The following LATS2 variants were observed in gnomAD, a reference collection of about 807,000 sequenced individuals.
The protein encoded by LATS2 is large tumor suppressor kinase 2.
A neutral mutation model predicts 76.0 loss-of-function variants in LATS2; 24 were observed. The ratio of observed to expected loss-of-function variants is 0.32; its 90% CI spans 0.23 to 0.44. The LOEUF (loss-of-function observed/expected upper bound fraction) is 0.44. Among genes scored for constraint, LATS2 ranks in the 20% least tolerant of loss-of-function variants. The probability of loss-of-function intolerance (pLI) is 1.00; values close to 1 mark genes in which losing one functional copy is unlikely to be tolerated. For synonymous variants in LATS2, 692 were observed against 635.4 expected (o/e 1.09, Z -1.34); for missense variants, 1,286 against 1,481.2 (o/e 0.87, Z 2.16).
intron 1 of LATS2, among the ~76,000 whole-genome samples, chr13:21,051,210 T>C (rs555790541): frequency 9.2e-5 from 14 of 152,332 alleles, no homozygotes; most frequent in African/African-American, 3.4e-4. Context: ...CTCTTATATG[T>C]AGGGCCCTTG....
intron 2 of LATS2, among the ~76,000 whole-genome samples, chr13:21,001,836 G>A (rs1001950392): frequency 9.2e-5 from 14 of 151,732 alleles, no homozygotes; most frequent in South Asian, 2.1e-4. Context: ...CCGAGACAGC[G>A]CCCCTGCACT....
chr13:20,978,952 G>A (rs1461529147), intron 7 of LATS2, among the ~76,000 whole-genome samples: 2 of 152,022 alleles, frequency 1.3e-5, no homozygotes, highest in African/African-American at 2.4e-5. Context: ...CAGTAGAGAC[G>A]GGTTTCGCCA....
chr13:20,998,248 G>C (rs1388494379), intron 2 of LATS2, among the ~76,000 whole-genome samples: 1 of 152,136 alleles, frequency 6.6e-6, no homozygotes, highest in Non-Finnish European at 1.5e-5. Context: ...CAGCTTCATG[G>C]GAGGCTGAGG....
rs1338579196 is a variant in LATS2 at position 21,045,856 on chromosome 13, G to A, written c.171C>T (p.Ala57=). The A allele has an allele frequency of 6.2e-7, 1 of 1,614,064 alleles. No homozygotes were observed. The highest frequency in any genetic ancestry group is 1.7e-5 in the Admixed American group (1 of 59,992). The change falls in exon 2 of 8, where the codon GCC becomes GCT. Residue 57 remains alanine, a synonymous_variant. Coordinates refer to ENST00000382592, the MANE Select transcript of LATS2 (RefSeq NM_014572.3). ...CTCTCATCTGCTGCTGCTGCCTGGT[G>A]GCATCTTTGCTCCCCAGGACTTTGG... ...LDAKVLGSKD[A]TRQQQQMRAT...
intron 2 of LATS2, among the ~76,000 whole-genome samples, chr13:21,021,290 T>C (rs951326352): frequency 6.6e-6 from 1 of 151,856 alleles, no homozygotes; most frequent in African/African-American, 2.4e-5. Flanking sequence ...CTGGCTAACA[T>C]GGTGAAACCC....
At chr13:20,989,382 C>T (rs1349153095) in intron 3 of LATS2, 78 bp from the exon 4 acceptor site, 1 of 1,480,958 alleles carries the variant, frequency 6.8e-7, no homozygotes, top group Non-Finnish European at 9.3e-7. Flanking sequence ...CTGGTCCCCA[C>T]TCTAGCGCTG....
intron 6 of LATS2, among the ~76,000 whole-genome samples, chr13:20,980,984 C>T (rs1237143561): frequency 6.6e-6 from 1 of 152,182 alleles, no homozygotes; most frequent in Non-Finnish European, 1.5e-5. Context: ...ACAACTGGCA[C>T]CTGCCACTTT....
At chr13:21,041,102 A>C (rs1872865432) in intron 2 of LATS2, among the ~76,000 whole-genome samples, 1 of 151,952 alleles carries the variant, frequency 6.6e-6, no homozygotes, top group South Asian at 2.1e-4. Context: ...CCTCCAGAGT[A>C]GCTGGGACTA....
At chr13:21,005,125 A>G (rs2138325793) in intron 2 of LATS2, 1 of 152,362 alleles carries the variant, frequency 6.6e-6, no homozygotes, top group Middle Eastern at 3.4e-3. Flanking sequence ...GACTAGGTAG[A>G]GGCCCATGTT....
At position 20,991,529 on chromosome 13, in the gene LATS2, G is replaced by A. The variant is rs552943884; in HGVS notation, c.343-125C>T. On this transcript the variant is annotated intron_variant, in intron 2 of 7. Transcript: ENST00000382592. This position sits in a 1 kb window ranked among gnomAD's most constrained non-coding sequence, Gnocchi z 4.9. The stretch of plus-strand genomic sequence containing the variant: ...CGCCTCTGTACTGCTGAGAACCTGC[G>A]ATATGCTGCAGGAGACCCTCAGAAT... 2.8e-5 allele frequency: 30 copies of A among 1,070,262 alleles called. No homozygotes were observed. The highest frequency in any genetic ancestry group is 1.4e-4 in the South Asian group (9 of 65,182). The allele number at this position is 1,070,262 out of a possible 1,614,324, so 66.3% of individuals were successfully genotyped here. A position where few individuals can be genotyped will look rare whatever the true frequency, so the allele number is the denominator to read the frequency against.
At chr13:21,016,184 A>G (rs1871791429) in intron 2 of LATS2, among the ~76,000 whole-genome samples, 1 of 151,622 alleles carries the variant, frequency 6.6e-6, no homozygotes, top group Non-Finnish European at 1.5e-5. Context: ...ACGGGGTTTC[A>G]CCATGTTGGC....
At chr13:20,994,422 A>G (rs761207565) in intron 2 of LATS2, among the ~76,000 whole-genome samples, 6 of 152,196 alleles carry the variant, frequency 3.9e-5, no homozygotes, top group Non-Finnish European at 5.9e-5. Context: ...CCACTTCTAA[A>G]TCCATCAGAA....
intron 2 of LATS2, among the ~76,000 whole-genome samples, chr13:21,030,494 CAGG>C (rs1371435718): frequency 2.0e-5 from 3 of 147,678 alleles, no homozygotes; most frequent in African/African-American, 7.6e-5. Flanking sequence ...CAGGCTGAGG[CAGG>C]AGAATGGCGT....
Position 21,007,757 on chromosome 13 carries a change from TATA to T in LATS2, c.343-16356_343-16354del, listed in dbSNP as rs1422519559. Among the ~76,000 whole-genome samples, 3 of 6,738 alleles carry T rather than the reference TATA, an allele frequency of 4.5e-4. 1 individual carries two copies. Among genetic ancestry groups the T allele is most frequent in the African/African-American group, 1.4e-3 (3 of 2,082 alleles). The allele number at this position is 6,738 out of a possible 152,430, so 4.4% of individuals were successfully genotyped here. ...TATAGTATATATATATATATATATA[TATA>T]TTTTTTTTTTTTTTTTGAGATGGAG... On this transcript the variant is annotated intron_variant, in intron 2 of 7. Coordinates refer to ENST00000382592, the MANE Select transcript of LATS2 (RefSeq NM_014572.3).
At position 20,973,652 on chromosome 13, in the gene LATS2, C is replaced by T. The variant is rs1475457412; in HGVS notation, c.*1218G>A. 4.3e-6 allele frequency: 1 copy of T among 230,704 alleles called. No individual in the cohort carries two copies. Among genetic ancestry groups the T allele is most frequent in the Admixed American group, 5.7e-5 (1 of 17,658 alleles). The allele number at this position is 230,704 out of a possible 1,614,324, so 14.3% of individuals were successfully genotyped here. On this transcript the variant is annotated 3_prime_UTR_variant, in exon 8 of 8. Transcript: ENST00000382592. ...AGGTTAGGAATATGTATTGTTTAAA[C>T]CAAGTTAAGATTTGATACTTCAAAG...
At chr13:21,015,802 C>T (rs138589247) in intron 2 of LATS2, among the ~76,000 whole-genome samples, 2 of 152,200 alleles carry the variant, frequency 1.3e-5, no homozygotes, top group South Asian at 2.1e-4. Flanking sequence ...CAGGTTCAAG[C>T]GATTCTCTCG....
At chr13:21,026,089 C>A (rs1310880527) in intron 2 of LATS2, among the ~76,000 whole-genome samples, 1 of 152,192 alleles carries the variant, frequency 6.6e-6, no homozygotes, top group Non-Finnish European at 1.5e-5. Flanking sequence ...CTGGAATACC[C>A]ATCGGATGCC....
chr13:21,041,821 A>C (rs1565963495), intron 2 of LATS2, among the ~76,000 whole-genome samples: 1 of 152,072 alleles, frequency 6.6e-6, no homozygotes. Context: ...TTGGAACCTC[A>C]CCCTCACAGG....
At chr13:20,993,446 G>C (rs1199502336) in intron 2 of LATS2, among the ~76,000 whole-genome samples, 1 of 152,172 alleles carries the variant, frequency 6.6e-6, no homozygotes, top group Non-Finnish European at 1.5e-5. Context: ...TGTAAACTGT[G>C]TTCTTAGCAA....
Sources: gnomAD v4.1 joint callset for allele counts (sites outside exome capture counted in the v4.1 genomes callset) on GRCh38, gnomAD v4.1.1 for gene constraint, Gnocchi (gnomAD v3.1) non-coding constraint, MANE v1.5 for transcripts, NCBI Gene and HGNC (gene_info 2026-07-23, HGNC 2026-07-21) for gene names.